CEP83: variants seen among roughly 807,000 people sequenced by gnomAD.
The protein encoded by CEP83 is centrosomal protein of 83 kDa.
Under a neutral mutation model 101.9 loss-of-function variants are expected in CEP83, and 70 were observed. The ratio of observed to expected loss-of-function variants is 0.69; its 90% CI spans 0.57 to 0.84. The LOEUF (loss-of-function observed/expected upper bound fraction) is 0.84. Ranked by LOEUF, CEP83 falls within the 40% of genes least tolerant of loss-of-function variation. CEP83 has a pLI of 0.00. For synonymous variants in CEP83, 264 were observed against 267.9 expected (o/e 0.99, Z 0.14); for missense variants, 715 against 787.2 (o/e 0.91, Z 1.10).
intron 2 of CEP83, chr12:94,424,275 C>G: frequency 6.2e-7 from 1 of 1,614,184 alleles, no homozygotes; most frequent in African/African-American, 1.3e-5. Flanking sequence ...CCATTTTGCA[C>G]AAATATTCCT....
intron 9 of CEP83, chr12:94,368,799 A>G (rs896799973): frequency 3.3e-5 from 5 of 152,242 alleles, no homozygotes; most frequent in African/African-American, 1.2e-4. Flanking sequence ...TTCCTAAAAA[A>G]ATTTACTTCT....
chr12:94,291,790 A>G, the CEP83 span, among the ~76,000 whole-genome samples: 1 of 152,198 alleles, frequency 6.6e-6, no homozygotes, highest in East Asian at 1.9e-4. Context: ...ATTCGTGGGT[A>G]CATGTGCAGG....
Position 94,444,084 on chromosome 12 carries a change from G to A in CEP83, c.-154-8757C>T, listed in dbSNP as rs892704196. On this transcript the variant is annotated intron_variant, in intron 1 of 16. Coordinates refer to ENST00000397809, the MANE Select transcript of CEP83 (RefSeq NM_016122.3). ...CTGTTTGCTAACCAATTATGCATGC[G>A]TTATAGTTAGTTATCAAGAAATTTC... Among the ~76,000 whole-genome samples the A allele has an allele frequency of 5.3e-5, 8 of 152,120 alleles. No homozygotes were observed. The South Asian group carries it at 6.2e-4, about 12-fold the overall frequency.
chr12:94,418,909 T>C (rs1243958816), intron 2 of CEP83, among the ~76,000 whole-genome samples: 1 of 152,138 alleles, frequency 6.6e-6, no homozygotes, highest in African/African-American at 2.4e-5. Context: ...AAAAAGAGTA[T>C]TTTAAAACAC....
intron 15 of CEP83, among the ~76,000 whole-genome samples, chr12:94,310,607 T>C (rs186981983): frequency 1.2e-4 from 19 of 152,292 alleles, no homozygotes; most frequent in African/African-American, 4.6e-4. Context: ...TCTGAACTGG[T>C]GGGTTTCACA....
At chr12:94,346,299 C>T (rs1271216487) in intron 11 of CEP83, among the ~76,000 whole-genome samples, 1 of 152,064 alleles carries the variant, frequency 6.6e-6, no homozygotes, top group African/African-American at 2.4e-5. Flanking sequence ...GTGATCCACC[C>T]ACCTCAGCTT....
the CEP83 span, among the ~76,000 whole-genome samples, chr12:94,269,265 C>T: frequency 1.8e-4 from 27 of 152,244 alleles, no homozygotes; most frequent in Non-Finnish European, 3.1e-4. Flanking sequence ...ATATTATTGC[C>T]TTCATTCTCC....
rs2061512043 is a variant in CEP83 at position 94,375,945 on chromosome 12, T to C, written c.874A>G (p.Thr292Ala). ...KELQSSSEQN[T>A]FLINKLHKAE... is the part of the protein sequence containing the mutation. ...TTATGCAATTTATTAATTAAAAAGGTATTTTGTTCACTGCTTGATTGTAGC... is the reference window on the plus strand; with the variant it reads ...TTATGCAATTTATTAATTAAAAAGGCATTTTGTTCACTGCTTGATTGTAGC... Residue 292 changes from threonine (T) to alanine (A), a missense_variant, in exon 8 of 17, where the codon ACC becomes GCC. Physicochemically the swap from Thr to Ala is moderately conservative, Grantham distance 58. Coordinates refer to ENST00000397809, the MANE Select transcript of CEP83 (RefSeq NM_016122.3). 2 of 1,543,018 alleles carry C rather than the reference T, an allele frequency of 1.3e-6. No individual in the cohort carries two copies. Among genetic ancestry groups the C allele is most frequent in the Non-Finnish European group, 1.8e-6 (2 of 1,129,852 alleles).
the CEP83 span, among the ~76,000 whole-genome samples, chr12:94,274,104 T>G: frequency 7.3e-6 from 1 of 137,284 alleles, no homozygotes; most frequent in African/African-American, 2.8e-5. Context: ...GAGGATCACT[T>G]GAGCTCAGGA....
chr12:94,455,558 T>G (rs2067604902), intron 1 of CEP83, among the ~76,000 whole-genome samples: 1 of 152,244 alleles, frequency 6.6e-6, no homozygotes, highest in Admixed American at 6.5e-5. Context: ...TTGGTGAGAC[T>G]GTAAAAACTA....
At chr12:94,271,953 C>T in the CEP83 span, among the ~76,000 whole-genome samples, 2 of 152,182 alleles carry the variant, frequency 1.3e-5, no homozygotes, top group African/African-American at 2.4e-5. Flanking sequence ...TACATATGAC[C>T]GCTGTGATGG....
At chr12:94,411,669 A>G (rs1487630568) in intron 4 of CEP83, 28 bp downstream of exon 4, 1 of 1,557,664 alleles carries the variant, frequency 6.4e-7, no homozygotes, top group Non-Finnish European at 8.7e-7. Flanking sequence ...CTTTTATACT[A>G]ACTCAAAACT....
rs750899833 is a variant in CEP83 at position 94,379,056 on chromosome 12, TAAAG to T, written c.550-18_550-15del. The T allele has an allele frequency of 6.3e-7, 1 of 1,575,070 alleles. No homozygotes were observed. Among genetic ancestry groups the T allele is most frequent in the Non-Finnish European group, 8.7e-7 (1 of 1,153,736 alleles). ...CAGTCTTGCAATCTAATAATAATTT[TAAAG>T]AAAGCATACAAGGTTAAATTATTAA... On this transcript the variant is annotated splice_polypyrimidine_tract_variant and intron_variant, in intron 6 of 16. Coordinates refer to ENST00000397809, the MANE Select transcript of CEP83 (RefSeq NM_016122.3).
At chr12:94,316,199 C>T (rs1327751858) in intron 14 of CEP83, among the ~76,000 whole-genome samples, 2 of 152,052 alleles carry the variant, frequency 1.3e-5, no homozygotes, top group African/African-American at 4.8e-5. Context: ...GTGTAGAAGT[C>T]ATAAACATCT....
chr12:94,286,502 G>GA, the CEP83 span, among the ~76,000 whole-genome samples: 1 of 146,214 alleles, frequency 6.8e-6, no homozygotes. Flanking sequence ...TTTTGTTAAA[G>GA]AAAAAATTTT....
chr12:94,460,110 C>G (rs1021349523), upstream of CEP83: 1 of 152,456 alleles, frequency 6.6e-6, no homozygotes, highest in Non-Finnish European at 1.5e-5. Context: ...GGCCGGGCTG[C>G]GCTCCCGAAG....
chr12:94,273,210 T>G, the CEP83 span, among the ~76,000 whole-genome samples: 1 of 152,196 alleles, frequency 6.6e-6, no homozygotes, highest in African/African-American at 2.4e-5. Flanking sequence ...ATTACAAATC[T>G]AGAACCATAT....
the CEP83 span, among the ~76,000 whole-genome samples, chr12:94,284,108 A>G: frequency 6.6e-6 from 1 of 150,688 alleles, no homozygotes; most frequent in Non-Finnish European, 1.5e-5. Context: ...AAAAAAAAAA[A>G]GCAGGGTTTG....
chr12:94,268,642 T>C, the CEP83 span, among the ~76,000 whole-genome samples: 2 of 142,370 alleles, frequency 1.4e-5, no homozygotes, highest in African/African-American at 5.3e-5. Flanking sequence ...TAGTGCAGGC[T>C]GGAGTGCAGT....
Sources: allele counts gnomAD v4.1 joint callset (sites outside exome capture counted in the v4.1 genomes callset), GRCh38; gene constraint gnomAD v4.1.1; transcripts MANE v1.5; gene names NCBI Gene and HGNC (gene_info 2026-07-23, HGNC 2026-07-21).